Variants in MACF1 observed in about 807,000 individuals in gnomAD.
The protein encoded by MACF1 is microtubule actin crosslinking factor 1, also known as microtubule-actin cross-linking factor 1.
MACF1 carries 193 observed loss-of-function variants against 854.8 expected under a neutral mutation model. The ratio of observed to expected loss-of-function variants is 0.23; its 90% CI spans 0.20 to 0.25. MACF1 has a LOEUF of 0.25. Ranked by LOEUF, MACF1 falls within the 10% of genes least tolerant of loss-of-function variation. The pLI is 1.00. For missense variants in MACF1, 7,722 were observed against 8,929.1 expected (o/e 0.86, Z 5.45); for synonymous variants, 3,185 against 3,226.7 (o/e 0.99, Z 0.44).
At position 39,335,859 on chromosome 1, in the gene MACF1, C is replaced by T. The variant is rs1366995060; in HGVS notation, c.9271C>T (p.Arg3091Ter). The T allele has an allele frequency of 3.7e-6, 6 of 1,613,938 alleles. No homozygotes were observed. In the East Asian group the frequency reaches 6.7e-5, roughly 18 times the overall value. The stretch of plus-strand genomic sequence containing the variant: ...TTTAAAACCAGAAGAAAACTTATCT[C>T]GAGAAATTGCCTGTGGGGCCCAGAG... ...LTLKPEENLS[R>*]EIACGAQSEP... Residue 3091 changes from arginine to a stop codon, truncating the protein, a stop_gained, in exon 37 of 101, where the codon CGA becomes TGA. Coordinates refer to ENST00000564288, the MANE Select transcript of MACF1 (RefSeq NM_001394062.1). LOFTEE classifies it high-confidence loss of function.
chr1:39,088,320 C>T (rs1014380650), intron 2 of MACF1, among the ~76,000 whole-genome samples: 1 of 152,022 alleles, frequency 6.6e-6, no homozygotes, highest in African/African-American at 2.4e-5. Flanking sequence ...AACTCCTGAC[C>T]TCAGGTGATC....
upstream of MACF1, among the ~76,000 whole-genome samples, chr1:39,202,710 T>C (rs752890388): frequency 1.3e-5 from 2 of 152,194 alleles, no homozygotes; most frequent in African/African-American, 2.4e-5. Context: ...GTATTCTCCA[T>C]AGCATTTATG....
chr1:39,231,090 C>A, intron 1 of MACF1, 92 bp from the exon 2 acceptor site: 2 of 952,652 alleles, frequency 2.1e-6, no homozygotes, highest in Non-Finnish European at 3.4e-6. Context: ...GTAAGTTGTT[C>A]TAGAGAAACA....
intron 100 of MACF1, 126 bp downstream of exon 100, chr1:39,484,856 C>T (rs1452989007): frequency 1.9e-6 from 2 of 1,042,686 alleles, no homozygotes; most frequent in Non-Finnish European, 3.0e-6. Context: ...CCCAGAAAGA[C>T]AGACCTGCAG....
intron 44 of MACF1, among the ~76,000 whole-genome samples, chr1:39,357,011 A>T (rs1647647865): frequency 6.6e-6 from 1 of 152,164 alleles, no homozygotes; most frequent in Admixed American, 6.5e-5. Flanking sequence ...AGAGTGACTG[A>T]TATTGGTGAT....
At chr1:39,215,743 C>T (rs960061704) in intron 1 of MACF1, among the ~76,000 whole-genome samples, 2 of 152,096 alleles carry the variant, frequency 1.3e-5, no homozygotes, top group Middle Eastern at 3.4e-3. Flanking sequence ...TGCTGAAAGT[C>T]CAGAGTGTAT....
At chr1:39,327,376 A>G in intron 36 of MACF1, 23 bp downstream of exon 36, 1 of 1,574,098 alleles carries the variant, frequency 6.4e-7, no homozygotes, top group African/African-American at 1.3e-5. Context: ...TTCATCTCCA[A>G]ATATTGGGTG....
At chr1:39,130,311 G>A in intron 2 of MACF1, among the ~76,000 whole-genome samples, 1 of 152,218 alleles carries the variant, frequency 6.6e-6, no homozygotes, top group Middle Eastern at 3.4e-3. Context: ...ATTTTTTGTG[G>A]CATGATTTAG....
chr1:39,159,793 A>C (rs1203404403), intron 2 of MACF1, among the ~76,000 whole-genome samples: 1 of 152,156 alleles, frequency 6.6e-6, no homozygotes, highest in Admixed American at 6.5e-5. Context: ...ATCAGTAGTT[A>C]GGATTCTGGA....
At chr1:39,269,247 G>A (rs745559412) in intron 6 of MACF1, 1 of 1,289,952 alleles carries the variant, frequency 7.8e-7, no homozygotes, top group Non-Finnish European at 1.0e-6. Context: ...TTTGCAAGGA[G>A]AGACTGCAGT....
rs571775287 is a variant in MACF1 at position 39,306,329 on chromosome 1, T to C, written c.2790-3241T>C. 2.9e-4 allele frequency among the ~76,000 whole-genome samples: 44 copies of C among 152,234 alleles called. No homozygotes were observed. In the South Asian group the frequency reaches 8.9e-3, roughly 31 times the overall value. On this transcript the variant is annotated intron_variant, in intron 23 of 100. Coordinates refer to ENST00000564288, the MANE Select transcript of MACF1 (RefSeq NM_001394062.1). ...TTTTAGTAGAGACGGGGTTTCACCA[T>C]GTTGGCCAGGCTGGTCTCGAACTCC...
chr1:39,317,358 T>A lies in MACF1; in HGVS notation c.3733T>A (p.Ser1245Thr), dbSNP rs755518572. The change falls in exon 29 of 101, where the codon TCC becomes ACC. Residue 1245 changes from serine (S) to threonine (T), a missense_variant. Physicochemically the swap from Ser to Thr is moderately conservative, Grantham distance 58. Coordinates refer to ENST00000564288, the MANE Select transcript of MACF1 (RefSeq NM_001394062.1). The part of the protein sequence containing the change: ...LDLERYQEKG[S>T]QLQERWHRVI... Reference sequence around the variant, plus strand: ...TTTGGAGCGCTATCAGGAAAAAGGCTCCCAGCTGCAGGAGCGTTGGCACCG... The same window carrying A: ...TTTGGAGCGCTATCAGGAAAAAGGCACCCAGCTGCAGGAGCGTTGGCACCG... The A allele has an allele frequency of 6.2e-7, 1 of 1,613,574 alleles. No individual in the cohort carries two copies. The highest frequency in any genetic ancestry group is 1.3e-5 in the African/African-American group (1 of 75,014).
At chr1:39,309,722 C>T (rs776108567) in intron 24 of MACF1, 26 bp downstream of exon 24, 39 of 1,595,618 alleles carry the variant, frequency 2.4e-5, no homozygotes, top group Non-Finnish European at 3.3e-5. Context: ...TTACCCCAGG[C>T]TTACATTCCA....
chr1:39,245,352 C>A (rs748085037), intron 2 of MACF1, among the ~76,000 whole-genome samples: 1 of 152,102 alleles, frequency 6.6e-6, no homozygotes, highest in Non-Finnish European at 1.5e-5. Flanking sequence ...TGCAGTGGTG[C>A]GATCTTGGCT....
chr1:39,258,437 T>C (rs1006550752), intron 6 of MACF1, among the ~76,000 whole-genome samples: 6 of 152,186 alleles, frequency 3.9e-5, no homozygotes, highest in African/African-American at 1.4e-4. Flanking sequence ...CTTTTTCTCA[T>C]CTCTAATAAC....
chr1:39,216,144 T>C (rs1571184059), intron 1 of MACF1, among the ~76,000 whole-genome samples: 1 of 147,550 alleles, frequency 6.8e-6, no homozygotes, highest in East Asian at 2.4e-4. Context: ...CTCTGTAAAA[T>C]GAAAAAAGAT....
intron 2 of MACF1, among the ~76,000 whole-genome samples, chr1:39,095,301 G>A (rs371569427): frequency 7.2e-5 from 11 of 152,046 alleles, no homozygotes; most frequent in South Asian, 4.2e-4. Flanking sequence ...GGTGGCTCAC[G>A]CCTGTAATCC....
intron 6 of MACF1, among the ~76,000 whole-genome samples, chr1:39,264,319 T>G (rs1197283737): frequency 5.3e-5 from 8 of 152,242 alleles, no homozygotes; most frequent in African/African-American, 1.9e-4. Flanking sequence ...TCAAAGGTAC[T>G]GTATGACTTA....
At chr1:39,377,395 T>A (rs1042957773) in intron 52 of MACF1, among the ~76,000 whole-genome samples, 9 of 152,300 alleles carry the variant, frequency 5.9e-5, no homozygotes, top group Admixed American at 2.0e-4. Context: ...TTTTAAAGTA[T>A]CATTATGAAT....
Sources: gnomAD v4.1 joint callset for allele counts (sites outside exome capture counted in the v4.1 genomes callset) on GRCh38, gnomAD v4.1.1 for gene constraint, MANE v1.5 for transcripts, NCBI Gene and HGNC (gene_info 2026-07-23, HGNC 2026-07-21) for gene names.